Variants in ZFHX3 observed in about 807,000 individuals in gnomAD.
The protein encoded by ZFHX3 is zinc finger homeobox 3.
A neutral mutation model predicts 279.1 loss-of-function variants in ZFHX3; 42 were observed. The observed-to-expected ratio is 0.15, with a 90% CI of 0.12 to 0.19. The LOEUF (loss-of-function observed/expected upper bound fraction) is 0.19, where lower values mean the gene tolerates loss of function less well. ZFHX3 is among the 10% of genes least tolerant of loss of function. ZFHX3 has a pLI of 1.00. For missense variants in ZFHX3, 4,981 were observed against 4,754.0 expected (o/e 1.05, Z -1.40); for synonymous variants, 2,293 against 1,957.8 (o/e 1.17, Z -4.52).
chr16:73,365,821 A>G (rs955432561), intron 3 of ZFHX3, among the ~76,000 whole-genome samples: 6 of 152,204 alleles, frequency 3.9e-5, no homozygotes, highest in Admixed American at 1.3e-4. Context: ...CTCAGGCTTG[A>G]TAGAGATTCC....
At chr16:73,518,580 G>A (rs919731275) in intron 2 of ZFHX3, among the ~76,000 whole-genome samples, 10 of 152,110 alleles carry the variant, frequency 6.6e-5, no homozygotes, top group Non-Finnish European at 1.5e-4. Context: ...ACTCTGCCCC[G>A]AGCAAGACAT....
At chr16:72,953,121 A>G (rs1961074547) in intron 2 of ZFHX3, among the ~76,000 whole-genome samples, 1 of 152,178 alleles carries the variant, frequency 6.6e-6, no homozygotes, top group East Asian at 1.9e-4. Flanking sequence ...TAAGCAGACC[A>G]GCAGCTGCGT....
rs1437076517 is a variant in ZFHX3 at position 73,308,275 on chromosome 16, ATATTTATT to A, written c.-1194+9957_-1194+9964del. Among the ~76,000 whole-genome samples, 92 of 67,680 alleles carry A rather than the reference ATATTTATT, an allele frequency of 1.4e-3. 1 individual carries two copies. Among genetic ancestry groups the A allele is most frequent in the Middle Eastern group, 7.0e-3 (1 of 142 alleles). The allele number at this position is 67,680 out of a possible 152,430, so 44.4% of individuals were successfully genotyped here. Reference sequence around the variant, plus strand: ...TATATATATATATATATATATATATATATTTATTTATTTATTTTTGAGACAGAGTTTCA... The same window carrying A: ...TATATATATATATATATATATATATATATTTATTTTTGAGACAGAGTTTCA... On this transcript the variant is annotated intron_variant, in intron 4 of 17. Transcript: ENST00000641206.
rs556663126 is a variant in ZFHX3, at chr16:72,997,328, T to C, written c.-49-37134A>G. On this transcript the variant is annotated intron_variant, in intron 1 of 9. Coordinates refer to ENST00000268489, the MANE Select transcript of ZFHX3 (RefSeq NM_006885.4). Reference sequence around the variant, plus strand: ...ATTCTGAGGGTCCAGACGTCTCTGTTTGAGCAACAGCTGCCTTCCTTTAAA... The same window carrying C: ...ATTCTGAGGGTCCAGACGTCTCTGTCTGAGCAACAGCTGCCTTCCTTTAAA... 1.1e-4 allele frequency among the ~76,000 whole-genome samples: 17 copies of C among 152,292 alleles called. No individual in the cohort carries two copies. In the South Asian group the frequency reaches 3.1e-3, roughly 28 times the overall value.
intron 3 of ZFHX3, among the ~76,000 whole-genome samples, chr16:72,892,727 C>T (rs1222453032): frequency 1.3e-5 from 2 of 152,066 alleles, no homozygotes; most frequent in Non-Finnish European, 2.9e-5. Context: ...AGGCTGGTCT[C>T]GAACTCCTGA....
intron 2 of ZFHX3, among the ~76,000 whole-genome samples, chr16:73,617,314 G>A (rs2052314847): frequency 6.6e-6 from 1 of 152,148 alleles, no homozygotes; most frequent in Non-Finnish European, 1.5e-5. Flanking sequence ...ATAGAAAAGG[G>A]CAAATCAAAG....
At chr16:73,821,645 G>C (rs1258469574) in intron 1 of ZFHX3, among the ~76,000 whole-genome samples, 1 of 152,218 alleles carries the variant, frequency 6.6e-6, no homozygotes. Context: ...TGTCTGCCCT[G>C]AATAGTCTGA....
chr16:73,403,702 G>T (rs1407601483), intron 3 of ZFHX3, among the ~76,000 whole-genome samples: 1 of 152,196 alleles, frequency 6.6e-6, no homozygotes, highest in Non-Finnish European at 1.5e-5. Context: ...TGAAAGGCTG[G>T]CCGGTGGCGA....
Position 73,376,228 on chromosome 16 carries a change from T to C in ZFHX3, c.-1290-57892A>G, listed in dbSNP as rs141309733. Among the ~76,000 whole-genome samples the C allele has an allele frequency of 4.0e-3, 613 of 152,362 alleles. 3 individuals carry two copies. The highest frequency in any genetic ancestry group is 0.026 in the South Asian group (126 of 4,832). On this transcript the variant is annotated intron_variant, in intron 3 of 17. Coordinates refer to the ZFHX3 transcript ENST00000641206. ...ATAGAATCAGCAGTTTTATATATTA[T>C]AGAATGAAGTTTTCTAAACTGTTGC...
intron 4 of ZFHX3, among the ~76,000 whole-genome samples, chr16:73,301,918 G>A (rs1052872073): frequency 6.6e-6 from 1 of 152,072 alleles, no homozygotes; most frequent in African/African-American, 2.4e-5. Flanking sequence ...ACCTGGACAA[G>A]GGCTGTGGGT....
intron 2 of ZFHX3, among the ~76,000 whole-genome samples, chr16:73,536,364 T>G (rs568293640): frequency 1.3e-5 from 2 of 152,282 alleles, no homozygotes; most frequent in South Asian, 2.1e-4. Context: ...TAGTGAAAAT[T>G]TTGGGAGCTA....
chr16:73,422,197 AT>A (rs34462342), intron 3 of ZFHX3, among the ~76,000 whole-genome samples: 105,082 of 144,548 alleles, frequency 0.73, 38,959 homozygotes, highest in Non-Finnish European at 0.84. Context: ...TTTTCAGAAG[AT>A]TTTTTTTTTT....
At position 72,957,380 on chromosome 16, in the gene ZFHX3, G is replaced by A. The variant is rs1961299115; in HGVS notation, c.2719+47C>T. 6.5e-6 allele frequency: 10 copies of A among 1,547,886 alleles called. No individual in the cohort carries two copies. In the East Asian group the frequency reaches 2.3e-4, roughly 35 times the overall value. On this transcript the variant is annotated intron_variant, in intron 2 of 9. Coordinates refer to ENST00000268489, the MANE Select transcript of ZFHX3 (RefSeq NM_006885.4). ...TCTCACCCTATTCACCATTCTCCCT[G>A]GTTAAACTCCTATCATGAAAACAGA...
intron 1 of ZFHX3, among the ~76,000 whole-genome samples, chr16:73,727,234 CT>C (rs113913770): frequency 6.6e-6 from 1 of 152,172 alleles, no homozygotes; most frequent in African/African-American, 2.4e-5. Context: ...AGCTGCACAA[CT>C]GGGGCCCCCC....
At chr16:73,676,955 A>G (rs952997110) in intron 2 of ZFHX3, among the ~76,000 whole-genome samples, 2 of 152,014 alleles carry the variant, frequency 1.3e-5, no homozygotes, top group Non-Finnish European at 2.9e-5. Flanking sequence ...CAGAATGAGA[A>G]TATCTCTAGA....
intron 1 of ZFHX3, among the ~76,000 whole-genome samples, chr16:73,755,650 A>T (rs2053801794): frequency 1.3e-5 from 2 of 152,208 alleles, no homozygotes; most frequent in Admixed American, 1.3e-4. Context: ...TTGTCCTGAC[A>T]GCTCACAGTC....
chr16:73,081,275 A>T (rs560458299), intron 8 of ZFHX3: 1 of 148,578 alleles, frequency 6.7e-6, no homozygotes, highest in East Asian at 2.0e-4. Flanking sequence ...TTTTTGAGAC[A>T]GAGTTTTGCT....
upstream of ZFHX3, among the ~76,000 whole-genome samples, chr16:73,050,820 C>T (rs963762130): frequency 2.0e-5 from 3 of 152,146 alleles, no homozygotes; most frequent in Non-Finnish European, 2.9e-5. Flanking sequence ...TACCCAGTCT[C>T]GTCTCATCTG....
At chr16:73,139,673 C>A (rs992683574) in intron 6 of ZFHX3, among the ~76,000 whole-genome samples, 1 of 152,152 alleles carries the variant, frequency 6.6e-6, no homozygotes, top group African/African-American at 2.4e-5. Flanking sequence ...TGGCTGCCGC[C>A]GTGATGCTCC....
Sources: gnomAD v4.1 joint callset for allele counts (sites outside exome capture counted in the v4.1 genomes callset) on GRCh38, gnomAD v4.1.1 for gene constraint, MANE v1.5 for transcripts, NCBI Gene and HGNC (gene_info 2026-07-23, HGNC 2026-07-21) for gene names.